Variants in LRRTM4 observed in about 807,000 individuals in gnomAD.
LRRTM4 encodes leucine rich repeat transmembrane neuronal 4.
A neutral mutation model predicts 47.6 loss-of-function variants in LRRTM4; 25 were observed. The observed-to-expected ratio is 0.53, with a 90% CI of 0.38 to 0.73. LRRTM4 has a LOEUF of 0.73. LRRTM4 is among the 30% of genes least tolerant of loss of function. The pLI is 0.00. For missense variants in LRRTM4, 638 were observed against 713.4 expected (o/e 0.89, Z 1.20); for synonymous variants, 311 against 269.5 (o/e 1.15, Z -1.51).
At chr2:77,412,011 G>A (rs991384749) in intron 3 of LRRTM4, among the ~76,000 whole-genome samples, 4 of 152,250 alleles carry the variant, frequency 2.6e-5, no homozygotes, top group African/African-American at 7.2e-5. Flanking sequence ...CATCAGCCAT[G>A]CCTCAACCCC....
intron 3 of LRRTM4, among the ~76,000 whole-genome samples, chr2:77,304,825 G>T (rs2104174394): frequency 6.6e-6 from 1 of 152,164 alleles, no homozygotes; most frequent in Admixed American, 6.5e-5. Flanking sequence ...TCAAGTAATT[G>T]ATTACCTTTT....
At chr2:77,160,490 T>G (rs1424593446) in intron 3 of LRRTM4, among the ~76,000 whole-genome samples, 1 of 131,132 alleles carries the variant, frequency 7.6e-6, no homozygotes, top group African/African-American at 2.6e-5. Flanking sequence ...CCAAAGGACA[T>G]TGTTTAATAT....
chr2:77,520,917 A>C (rs1488466333), intron 2 of LRRTM4, among the ~76,000 whole-genome samples: 1 of 151,974 alleles, frequency 6.6e-6, no homozygotes, highest in Admixed American at 6.6e-5. Flanking sequence ...AGAAAAAAAA[A>C]GAAACAACTA....
chr2:77,237,398 A>G (rs1301604152), intron 3 of LRRTM4, among the ~76,000 whole-genome samples: 1 of 151,918 alleles, frequency 6.6e-6, no homozygotes, highest in East Asian at 1.9e-4. Context: ...TTTTAATGTC[A>G]CATTGGTCAT....
chr2:77,290,957 T>C (rs759936592), intron 3 of LRRTM4, among the ~76,000 whole-genome samples: 137 of 152,056 alleles, frequency 9.0e-4, no homozygotes, highest in Non-Finnish European at 2.6e-4. Context: ...AATCTCAATA[T>C]ACATAAGAGT....
At chr2:76,958,075 C>T (rs545173913) in intron 3 of LRRTM4, among the ~76,000 whole-genome samples, 1 of 151,754 alleles carries the variant, frequency 6.6e-6, no homozygotes, top group South Asian at 2.1e-4. Context: ...ACATGAATCA[C>T]ATGGGAAAAA....
intron 3 of LRRTM4, among the ~76,000 whole-genome samples, chr2:76,961,839 T>G (rs1490945014): frequency 2.0e-5 from 3 of 151,338 alleles, no homozygotes; most frequent in Non-Finnish European, 4.4e-5. Context: ...ACTCTAAAAT[T>G]TTGCTTTGTC....
At chr2:77,339,396 G>A (rs1365451992) in intron 3 of LRRTM4, among the ~76,000 whole-genome samples, 1 of 151,796 alleles carries the variant, frequency 6.6e-6, no homozygotes, top group Non-Finnish European at 1.5e-5. Flanking sequence ...ATTTTAGGAC[G>A]ACTTTTTTTC....
intron 3 of LRRTM4, among the ~76,000 whole-genome samples, chr2:77,004,507 A>G (rs889380235): frequency 1.3e-5 from 2 of 151,866 alleles, no homozygotes; most frequent in Non-Finnish European, 2.9e-5. Context: ...GCATGTATGA[A>G]AACACCTGGA....
intron 3 of LRRTM4, among the ~76,000 whole-genome samples, chr2:77,249,716 T>A (rs1333543061): frequency 6.6e-6 from 1 of 152,190 alleles, no homozygotes; most frequent in East Asian, 1.9e-4. Context: ...TTATTGCTGG[T>A]GGGAATGAAA....
chr2:76,754,699 T>C (rs1486280099), intron 3 of LRRTM4, among the ~76,000 whole-genome samples: 1 of 152,166 alleles, frequency 6.6e-6, no homozygotes, highest in Non-Finnish European at 1.5e-5. Flanking sequence ...AGGTGTCTAC[T>C]TCCCTTTGCC....
At chr2:76,990,999 G>A (rs572589710) in intron 3 of LRRTM4, among the ~76,000 whole-genome samples, 3 of 151,714 alleles carry the variant, frequency 2.0e-5, no homozygotes, top group East Asian at 1.9e-4. Flanking sequence ...GAAGATCTCT[G>A]TAAACCACAC....
intron 3 of LRRTM4, among the ~76,000 whole-genome samples, chr2:76,894,569 A>C (rs970891207): frequency 6.6e-6 from 1 of 152,044 alleles, no homozygotes; most frequent in African/African-American, 2.4e-5. Context: ...TCACATGGCA[A>C]TACTTTGAAA....
intron 3 of LRRTM4, among the ~76,000 whole-genome samples, chr2:76,768,780 G>A (rs1259203806): frequency 2.6e-5 from 4 of 152,072 alleles, no homozygotes; most frequent in Admixed American, 6.5e-5. Context: ...ATTCTCACTA[G>A]GCATTGCGGA....
At chr2:76,957,023 T>C (rs1675698090) in intron 3 of LRRTM4, among the ~76,000 whole-genome samples, 1 of 151,694 alleles carries the variant, frequency 6.6e-6, no homozygotes, top group Non-Finnish European at 1.5e-5. Flanking sequence ...ATTGTGTCCA[T>C]CAATGGATAA....
chr2:77,175,021 A>T (rs982536077), intron 3 of LRRTM4, among the ~76,000 whole-genome samples: 14 of 151,990 alleles, frequency 9.2e-5, no homozygotes, highest in Non-Finnish European at 1.2e-4. Context: ...AGCCAAGCAC[A>T]AAGTTAGTTT....
Position 76,913,891 on chromosome 2 carries a change from T to C in LRRTM4, c.1552-164975A>G, listed in dbSNP as rs142100926. Among the ~76,000 whole-genome samples, 105 of 152,212 alleles carry C rather than the reference T, an allele frequency of 6.9e-4. No individual in the cohort carries two copies. In the East Asian group the frequency reaches 0.02, roughly 29 times the overall value. On this transcript the variant is annotated intron_variant, in intron 3 of 3. Transcript: ENST00000409884. Reference sequence around the variant, plus strand: ...TAGAAGTATTAGAAAATGTATGAAATAATCATAGTGATAGGAAACTTCCCT... The same window carrying C: ...TAGAAGTATTAGAAAATGTATGAAACAATCATAGTGATAGGAAACTTCCCT...
intron 3 of LRRTM4, among the ~76,000 whole-genome samples, chr2:76,806,988 C>T (rs1197216070): frequency 1.3e-5 from 2 of 152,038 alleles, no homozygotes; most frequent in Non-Finnish European, 2.9e-5. Flanking sequence ...ATTAATGAGA[C>T]ATCAACAAAT....
chr2:77,293,480 T>C (rs918479717), intron 3 of LRRTM4, among the ~76,000 whole-genome samples: 1 of 152,134 alleles, frequency 6.6e-6, no homozygotes, highest in African/African-American at 2.4e-5. Flanking sequence ...ATAATAAAGA[T>C]GTCTACTTTT....
Sources: allele counts gnomAD v4.1 joint callset (sites outside exome capture counted in the v4.1 genomes callset), GRCh38; gene constraint gnomAD v4.1.1; transcripts MANE v1.5; gene names NCBI Gene and HGNC (gene_info 2026-07-23, HGNC 2026-07-21).